CCT2: variants seen among roughly 807,000 people sequenced by gnomAD.
CCT2 encodes T-complex protein 1 subunit beta.
Under a neutral mutation model 61.8 loss-of-function variants are expected in CCT2, and 18 were observed. The ratio of observed to expected loss-of-function variants is 0.29; its 90% CI spans 0.20 to 0.43. The LOEUF is 0.43. CCT2 is among the 20% of genes least tolerant of loss of function. CCT2 has a pLI of 1.00. For missense variants in CCT2, 556 were observed against 656.9 expected (o/e 0.85, Z 1.68); for synonymous variants, 248 against 215.9 (o/e 1.15, Z -1.30).
At chr12:69,586,244 G>A in intron 1 of CCT2, 26 bp from the exon 2 acceptor site, 1 of 1,563,782 alleles carries the variant, frequency 6.4e-7, no homozygotes, top group Non-Finnish European at 8.8e-7. Flanking sequence ...TACTTAAACG[G>A]AATGCCTCTT....
At chr12:69,597,556 C>A in intron 11 of CCT2, 82 bp from the exon 12 acceptor site, 1 of 1,406,514 alleles carries the variant, frequency 7.1e-7, no homozygotes, top group Non-Finnish European at 9.8e-7. Flanking sequence ...CTTTCAGAAC[C>A]CAGTAATATA....
chr12:69,589,424 T>G, intron 6 of CCT2, 61 bp from the exon 7 acceptor site: 2 of 1,154,524 alleles, frequency 1.7e-6, no homozygotes, highest in Non-Finnish European at 2.6e-6. Context: ...GACATGAATA[T>G]CTAGATAAAT....
At chr12:69,587,452 C>A in intron 3 of CCT2, 53 bp from the exon 4 acceptor site, 1 of 973,448 alleles carries the variant, frequency 1.0e-6, no homozygotes, top group Non-Finnish European at 1.7e-6. Flanking sequence ...TTGATCCATG[C>A]ATTCTTCAAG....
At position 69,592,954 on chromosome 12, in the gene CCT2, CTT is replaced by C; in HGVS notation, c.751-20_751-19del. On this transcript the variant is annotated intron_variant, in intron 8 of 15. Transcript: ENST00000299300. Reference sequence around the variant, plus strand: ...AAAAAAATAATGAAACTGATGCTCTCTTTATGCTTCGTTTGTCTTAGATATTT... The same window carrying C: ...AAAAAAATAATGAAACTGATGCTCTCTATGCTTCGTTTGTCTTAGATATTT... The C allele has an allele frequency of 6.2e-7, 1 of 1,609,382 alleles. No homozygotes were observed. The highest frequency in any genetic ancestry group is 8.5e-7 in the Non-Finnish European group (1 of 1,178,182).
intron 7 of CCT2, among the ~76,000 whole-genome samples, chr12:69,591,024 G>A (rs778057665): frequency 4.6e-5 from 7 of 151,986 alleles, no homozygotes; most frequent in East Asian, 1.9e-4. Flanking sequence ...TGGCCGCTGC[G>A]TAGCATTTCT....
Position 69,601,554 on chromosome 12 carries a change from A to G in CCT2, c.*229A>G. The G allele has an allele frequency of 7.5e-7, 1 of 1,328,176 alleles. No individual in the cohort carries two copies. The highest frequency in any genetic ancestry group is 1.9e-5 in the South Asian group (1 of 53,888). The allele number at this position is 1,328,176 out of a possible 1,614,324, so 82.3% of individuals were successfully genotyped here. On this transcript the variant is annotated 3_prime_UTR_variant, in exon 16 of 16. Transcript: ENST00000299300. ...CATTTCTCATACTGTGCATTAAAATAAAAATTTGAACAATTACTTGGTTCT... is the reference window on the plus strand; with the variant it reads ...CATTTCTCATACTGTGCATTAAAATGAAAATTTGAACAATTACTTGGTTCT...
At chr12:69,591,112 C>G (rs974486574) in intron 7 of CCT2, among the ~76,000 whole-genome samples, 1 of 152,142 alleles carries the variant, frequency 6.6e-6, no homozygotes, top group African/African-American at 2.4e-5. Flanking sequence ...TGAATGTCTG[C>G]TCTGTACTAG....
intron 1 of CCT2, chr12:69,585,930 C>T (rs920886891): frequency 7.9e-6 from 10 of 1,273,732 alleles, no homozygotes; most frequent in Non-Finnish European, 9.9e-6. Flanking sequence ...CGTTCCCTCG[C>T]CCGCCCGGCA....
At position 69,599,974 on chromosome 12, in the gene CCT2, G is replaced by C; in HGVS notation, c.1547G>C (p.Arg516Pro). ...SAAEAAEVIL[R>P]VDNIIKAAPR... ...GCTGAAGCAGCAGAGGTGATTCTGC[G>C]TGTGGACAACATCATCAAAGCGGCA... Residue 516 changes from arginine to proline, a missense_variant, in exon 15 of 16, where the codon CGT (arginine) becomes CCT (proline). This residue lies in a region of CCT2 where 225 missense variants were observed against 249.8 expected (regional missense o/e 0.90). Coordinates refer to ENST00000299300, the MANE Select transcript of CCT2 (RefSeq NM_006431.3). The C allele has an allele frequency of 6.2e-7, 1 of 1,613,218 alleles. No individual in the cohort carries two copies. Among genetic ancestry groups the C allele is most frequent in the Non-Finnish European group, 8.5e-7 (1 of 1,179,504 alleles).
chr12:69,588,779 C>T (rs1466423674), intron 6 of CCT2, among the ~76,000 whole-genome samples: 2 of 152,202 alleles, frequency 1.3e-5, no homozygotes, highest in African/African-American at 4.8e-5. Flanking sequence ...ACCTGGGCTG[C>T]ACAGCAGGTG....
At chr12:69,601,214 T>G (rs1271133687) in intron 15 of CCT2, 81 bp from the exon 16 acceptor site, 3 of 1,108,596 alleles carry the variant, frequency 2.7e-6, no homozygotes, top group Non-Finnish European at 3.9e-6. Context: ...AGGATTCTAG[T>G]TGTGTTTGTA....
chr12:69,592,153 A>G lies in CCT2; in HGVS notation c.744A>G (p.Lys248=). The stretch of plus-strand genomic sequence containing the variant: ...CAAATACTGGTATGGATACAGACAA[A>G]ATAAAGGTATGTAACTCTACTTTTT... ...LIANTGMDTD[K]IKIFGSRVRV... Residue 248 remains lysine (K), a synonymous_variant, in exon 8 of 16, where the codon AAA becomes AAG. Coordinates refer to ENST00000299300, the MANE Select transcript of CCT2 (RefSeq NM_006431.3). 1.3e-6 allele frequency: 2 copies of G among 1,522,746 alleles called. No homozygotes were observed. The highest frequency in any genetic ancestry group is 1.8e-6 in the Non-Finnish European group (2 of 1,098,016). 94.3% of individuals were successfully genotyped at this position (1,522,746 alleles called of 1,614,324 possible).
rs1309301539 is a variant in CCT2, at chr12:69,593,092, C to T, written c.867C>T (p.Cys289=). The T allele has an allele frequency of 6.2e-6, 10 of 1,612,458 alleles. No individual in the cohort carries two copies. The highest frequency in any genetic ancestry group is 7.6e-6 in the Non-Finnish European group (9 of 1,178,986). The change falls in exon 9 of 16, where the codon TGC becomes TGT. Residue 289 remains cysteine, a synonymous_variant. Transcript: ENST00000299300. ...GTATTCTTAAGCATGGAATAAATTG[C>T]TTTATTAACAGGTCTGTGTTTGCTT... is the stretch of plus-strand genomic sequence containing the variant. ...VERILKHGIN[C]FINRQLIYNY... is the part of the protein sequence containing the mutation.
At chr12:69,590,345 A>G (rs1228206605) in intron 7 of CCT2, among the ~76,000 whole-genome samples, 6 of 152,168 alleles carry the variant, frequency 3.9e-5, no homozygotes, top group African/African-American at 1.4e-4. Context: ...TTTTTTTTAG[A>G]AAAGAATTAA....
intron 6 of CCT2, 125 bp downstream of exon 6, chr12:69,588,387 A>G (rs1881730776): frequency 4.4e-6 from 3 of 684,236 alleles, no homozygotes; most frequent in South Asian, 1.9e-5. Context: ...ACCCCACTCC[A>G]ACAGTCAAAC....
intron 14 of CCT2, among the ~76,000 whole-genome samples, chr12:69,599,115 C>G (rs529465414): frequency 1.3e-5 from 2 of 152,300 alleles, no homozygotes; most frequent in African/African-American, 4.8e-5. Flanking sequence ...ACACAATGGT[C>G]TTGCTCTGTT....
intron 7 of CCT2, among the ~76,000 whole-genome samples, chr12:69,590,460 C>T (rs983262656): frequency 3.9e-5 from 6 of 151,952 alleles, no homozygotes; most frequent in Non-Finnish European, 7.4e-5. Context: ...CTTAGTAGTA[C>T]ATTTTTGTTT....
intron 6 of CCT2, chr12:69,588,491 A>G (rs532650): frequency 0.12 from 51,065 of 422,898 alleles, 3,361 homozygotes; most frequent in Middle Eastern, 0.17. Flanking sequence ...AGCAAATAGT[A>G]TAATACTGTA....
Position 69,599,917 on chromosome 12 carries a change from T to G in CCT2, c.1490T>G (p.Phe497Cys), listed in dbSNP as rs752267334. 1.2e-6 allele frequency: 2 copies of G among 1,614,006 alleles called. No homozygotes were observed. Among genetic ancestry groups the G allele is most frequent in the Non-Finnish European group, 1.7e-6 (2 of 1,179,912 alleles). The stretch of plus-strand genomic sequence containing the variant: ...GCTATCCTGGGTATAACAGAAAGTT[T>G]TCAAGTGAAGCGACAGGTTCTTCTG... ...DMAILGITES[F>C]QVKRQVLLSA... is the part of the protein sequence containing the mutation. The change falls in exon 15 of 16, where the codon TTT becomes TGT. Residue 497 changes from phenylalanine (F) to cysteine (C), a missense_variant. Transcript: ENST00000299300.
Sources: allele counts gnomAD v4.1 joint callset (sites outside exome capture counted in the v4.1 genomes callset), GRCh38; gene constraint gnomAD v4.1.1; regional missense constraint gnomAD v4.1.1; transcripts MANE v1.5; gene names NCBI Gene and HGNC (gene_info 2026-07-23, HGNC 2026-07-21).